Variants in CACNA1D observed in about 807,000 individuals in gnomAD.
CACNA1D encodes voltage-dependent L-type calcium channel subunit alpha-1D.
CACNA1D carries 55 observed loss-of-function variants against 257.1 expected under a neutral mutation model. The ratio of observed to expected loss-of-function variants is 0.21; its 90% CI spans 0.17 to 0.27. The LOEUF (loss-of-function observed/expected upper bound fraction) is 0.27. CACNA1D is among the 10% of genes least tolerant of loss of function. The pLI is 1.00. For synonymous variants in CACNA1D, 980 were observed against 1,014.9 expected (o/e 0.97, Z 0.65); for missense variants, 1,876 against 2,784.0 (o/e 0.67, Z 7.34).
chr3:53,697,311 A>AAGGAGT (rs1271042042), intron 8 of CACNA1D, among the ~76,000 whole-genome samples: 2 of 152,200 alleles, frequency 1.3e-5, no homozygotes, highest in African/African-American at 4.8e-5. Context: ...TGGCCTCCTG[A>AAGGAGT]AGGAGTAGGA....
chr3:53,551,326 C>T (rs919960039), intron 3 of CACNA1D, among the ~76,000 whole-genome samples: 2 of 152,200 alleles, frequency 1.3e-5, no homozygotes, highest in South Asian at 2.1e-4. Flanking sequence ...TCAGGTTCCC[C>T]GGCTTGCCCT....
intron 3 of CACNA1D, among the ~76,000 whole-genome samples, chr3:53,547,943 G>A (rs1481019625): frequency 6.6e-6 from 1 of 152,184 alleles, no homozygotes; most frequent in Admixed American, 6.5e-5. Context: ...TTGCTGGATA[G>A]CCTTTCCAGC....
chr3:53,596,706 G>A (rs1224093928), intron 3 of CACNA1D, among the ~76,000 whole-genome samples: 2 of 152,114 alleles, frequency 1.3e-5, no homozygotes, highest in African/African-American at 2.4e-5. Context: ...AAGGAAACAG[G>A]TTCAGCCCTA....
intron 3 of CACNA1D, among the ~76,000 whole-genome samples, chr3:53,606,342 G>A (rs550546945): frequency 5.9e-5 from 9 of 152,362 alleles, no homozygotes; most frequent in East Asian, 5.8e-4. Flanking sequence ...TGTCAGTTAC[G>A]ATTAATGTGA....
intron 32 of CACNA1D, 145 bp from the exon 33 acceptor site, chr3:53,772,688 G>A (rs2095372826): frequency 1.2e-5 from 8 of 677,386 alleles, no homozygotes; most frequent in South Asian, 6.6e-5. Context: ...GGATTTAAAC[G>A]GTTCTTCCTC....
intron 3 of CACNA1D, among the ~76,000 whole-genome samples, chr3:53,621,422 G>A (rs1042480227): frequency 6.6e-6 from 1 of 152,114 alleles, no homozygotes; most frequent in Admixed American, 6.5e-5. Context: ...TAAGATTAGG[G>A]CTGGGGACAG....
At chr3:53,790,421 T>C (rs1252820447) in intron 40 of CACNA1D, among the ~76,000 whole-genome samples, 1 of 152,242 alleles carries the variant, frequency 6.6e-6, no homozygotes, top group Non-Finnish European at 1.5e-5. Context: ...ATTCAAGAAT[T>C]TCCTTTCTGC....
intron 3 of CACNA1D, among the ~76,000 whole-genome samples, chr3:53,531,507 C>T (rs2091948149): frequency 6.6e-6 from 1 of 152,128 alleles, no homozygotes; most frequent in Non-Finnish European, 1.5e-5. Flanking sequence ...TATAAAGTGT[C>T]AGAGCAGATA....
At chr3:53,538,443 C>T (rs1156505383) in intron 3 of CACNA1D, among the ~76,000 whole-genome samples, 1 of 152,178 alleles carries the variant, frequency 6.6e-6, no homozygotes, top group Non-Finnish European at 1.5e-5. Flanking sequence ...AGGCGTGAGC[C>T]ACAGCGCCTG....
chr3:53,656,676 T>A (rs1378527908), intron 4 of CACNA1D, among the ~76,000 whole-genome samples: 1 of 152,170 alleles, frequency 6.6e-6, no homozygotes, highest in African/African-American at 2.4e-5. Flanking sequence ...TACATACACT[T>A]GTATTCAGAA....
At chr3:53,576,898 C>G (rs1342840565) in intron 3 of CACNA1D, among the ~76,000 whole-genome samples, 1 of 152,192 alleles carries the variant, frequency 6.6e-6, no homozygotes, top group Non-Finnish European at 1.5e-5. Flanking sequence ...ATTTTTGGCT[C>G]TTTGTAAGGG....
chr3:53,513,214 CAG>C (rs1448376878), intron 3 of CACNA1D, among the ~76,000 whole-genome samples: 1 of 152,170 alleles, frequency 6.6e-6, no homozygotes, highest in Non-Finnish European at 1.5e-5. Flanking sequence ...TGCTGAATAA[CAG>C]TGTTTCAGTT....
At chr3:53,583,496 A>G (rs1198265966) in intron 3 of CACNA1D, among the ~76,000 whole-genome samples, 1 of 152,118 alleles carries the variant, frequency 6.6e-6, no homozygotes, top group East Asian at 1.9e-4. Flanking sequence ...GCCTCTTCAC[A>G]TGTTCCAAGG....
Position 53,740,327 on chromosome 3 carries a change from G to A in CACNA1D, c.2799G>A (p.Glu933=). The change falls in exon 21 of 48, where the codon GAG becomes GAA. Residue 933 remains glutamate (E), a synonymous_variant. Coordinates refer to ENST00000350061, the MANE Select transcript of CACNA1D (RefSeq NM_001128840.3). The part of the protein sequence containing the change: ...DYAFTAIFTV[E]ILLKMTTFGA... ...CCTTCACAGCCATCTTTACTGTTGA[G>A]ATCCTGTTGAAGGTAATGAATTTTC... is the stretch of plus-strand genomic sequence containing the variant. 6.2e-7 allele frequency: 1 copy of A among 1,609,812 alleles called. No homozygotes were observed. Among genetic ancestry groups the A allele is most frequent in the Non-Finnish European group, 8.5e-7 (1 of 1,176,074 alleles).
chr3:53,495,122 A>C lies in CACNA1D; in HGVS notation c.-45A>C, dbSNP rs1575666067. ...CCATTCCGCCCCCGCCTCAACGCCC[A>C]GCACAGTGCCCTGCACACAGTAGTC... On this transcript the variant is annotated 5_prime_UTR_variant, in exon 1 of 48. Coordinates refer to ENST00000350061, the MANE Select transcript of CACNA1D (RefSeq NM_001128840.3). This position sits in a 1 kb window ranked among gnomAD's most constrained non-coding sequence, Gnocchi z 5.1. 2.3e-4 allele frequency: 214 copies of C among 922,448 alleles called. No individual in the cohort carries two copies. Among genetic ancestry groups the C allele is most frequent in the Middle Eastern group, 7.6e-4 (3 of 3,970 alleles). The allele number at this position is 922,448 out of a possible 1,614,324, so 57.1% of individuals were successfully genotyped here. A position where few individuals can be genotyped will look rare whatever the true frequency, so the allele number is the denominator to read the frequency against.
intron 30 of CACNA1D, among the ~76,000 whole-genome samples, chr3:53,769,736 G>C (rs1183019196): frequency 6.6e-6 from 1 of 152,206 alleles, no homozygotes. Flanking sequence ...CTGTCAGCCT[G>C]GGCACAGCAT....
intron 3 of CACNA1D, among the ~76,000 whole-genome samples, chr3:53,633,366 G>A (rs746817498): frequency 6.6e-6 from 1 of 152,134 alleles, no homozygotes; most frequent in Non-Finnish European, 1.5e-5. Flanking sequence ...ATGTACTTAC[G>A]GTCCCGGCTG....
chr3:53,790,271 C>T (rs559216873), intron 40 of CACNA1D, among the ~76,000 whole-genome samples: 2 of 152,350 alleles, frequency 1.3e-5, no homozygotes, highest in African/African-American at 4.8e-5. Context: ...CAGCAGACAG[C>T]AATGCATGCT....
chr3:53,581,465 C>G (rs910785215), intron 3 of CACNA1D, among the ~76,000 whole-genome samples: 1 of 152,156 alleles, frequency 6.6e-6, no homozygotes, highest in Non-Finnish European at 1.5e-5. Flanking sequence ...CACGGTATTA[C>G]TTCAGTCACA....
Sources: allele counts gnomAD v4.1 joint callset (sites outside exome capture counted in the v4.1 genomes callset), GRCh38; gene constraint gnomAD v4.1.1; non-coding constraint Gnocchi (gnomAD v3.1); transcripts MANE v1.5; gene names NCBI Gene and HGNC (gene_info 2026-07-23, HGNC 2026-07-21).